The following SAMD12 variants were observed in gnomAD, a reference collection of about 807,000 sequenced individuals.
SAMD12 encodes sterile alpha motif domain-containing protein 12.
SAMD12 carries 9 observed loss-of-function variants against 15.0 expected under a neutral mutation model. That is an observed-to-expected ratio of 0.60 (90% CI 0.36 to 1.05). The LOEUF (loss-of-function observed/expected upper bound fraction) is 1.05. Ranked by LOEUF, SAMD12 falls within the 50% of genes least tolerant of loss-of-function variation. SAMD12 has a pLI of 0.01. For missense variants in SAMD12, 230 were observed against 234.2 expected (o/e 0.98, Z 0.12); for synonymous variants, 86 against 90.1 (o/e 0.96, Z 0.25).
intron 3 of SAMD12, among the ~76,000 whole-genome samples, chr8:118,404,111 T>G (rs1277139569): frequency 6.6e-6 from 1 of 152,162 alleles, no homozygotes; most frequent in Non-Finnish European, 1.5e-5. Flanking sequence ...ACCTCCCAAG[T>G]AGCTGGGACT....
At chr8:118,186,608 A>C (rs898106595), downstream of SAMD12, among the ~76,000 whole-genome samples, 2 of 151,918 alleles carry the variant, frequency 1.3e-5, no homozygotes, top group Non-Finnish European at 2.9e-5. Flanking sequence ...AGAATTACTA[A>C]GAAAAATTGA....
chr8:118,260,280 T>TA (rs1813047536), intron 4 of SAMD12, among the ~76,000 whole-genome samples: 1 of 152,120 alleles, frequency 6.6e-6, no homozygotes, highest in African/African-American at 2.4e-5. Context: ...TCCCTTATGA[T>TA]ATTCTTCCTC....
chr8:118,578,876 T>C (rs1471375115), intron 2 of SAMD12, among the ~76,000 whole-genome samples: 1 of 152,188 alleles, frequency 6.6e-6, no homozygotes, highest in African/African-American at 2.4e-5. Flanking sequence ...CAACCTCATT[T>C]GTTGGGGATG....
chr8:118,269,393 C>A (rs1161474304), intron 4 of SAMD12, among the ~76,000 whole-genome samples: 2 of 152,046 alleles, frequency 1.3e-5, no homozygotes, highest in Non-Finnish European at 2.9e-5. Context: ...ATTTATAAGA[C>A]AATAACCAAC....
intron 3 of SAMD12, among the ~76,000 whole-genome samples, chr8:118,415,071 G>C (rs932239615): frequency 6.6e-6 from 1 of 152,150 alleles, no homozygotes; most frequent in Admixed American, 6.5e-5. Flanking sequence ...GGGTGGATAA[G>C]GGATACCCAC....
At chr8:118,365,546 G>T (rs548545479) in intron 4 of SAMD12, among the ~76,000 whole-genome samples, 1 of 152,156 alleles carries the variant, frequency 6.6e-6, no homozygotes, top group African/African-American at 2.4e-5. Context: ...TGGGCTTACA[G>T]ACTCTGGGAC....
intron 1 of SAMD12, among the ~76,000 whole-genome samples, chr8:118,593,179 A>T: frequency 6.6e-6 from 1 of 152,208 alleles, no homozygotes; most frequent in Non-Finnish European, 1.5e-5. Flanking sequence ...CAAAAATCAC[A>T]TTCTCTAAAA....
At chr8:118,436,371 A>G (rs1021435693) in intron 3 of SAMD12, among the ~76,000 whole-genome samples, 10 of 152,178 alleles carry the variant, frequency 6.6e-5, no homozygotes, top group African/African-American at 2.2e-4. Context: ...TTATGTTTTT[A>G]TTACATGTCA....
At chr8:118,316,157 G>A (rs73321989) in intron 4 of SAMD12, among the ~76,000 whole-genome samples, 4,171 of 152,094 alleles carry the variant, frequency 0.027, 174 homozygotes, top group African/African-American at 0.093. Flanking sequence ...GAAGGTAGAC[G>A]ACTACCAGAC....
At chr8:118,586,953 C>T (rs1827465562) in intron 1 of SAMD12, among the ~76,000 whole-genome samples, 1 of 152,164 alleles carries the variant, frequency 6.6e-6, no homozygotes, top group Non-Finnish European at 1.5e-5. Flanking sequence ...GTGTAATTCA[C>T]CAAAAATGTT....
intron 2 of SAMD12, among the ~76,000 whole-genome samples, chr8:118,572,255 T>C (rs1220279255): frequency 3.9e-5 from 6 of 152,176 alleles, no homozygotes; most frequent in Non-Finnish European, 8.8e-5. Context: ...TGTCCCCCTG[T>C]AGGAAGTAAC....
chr8:118,383,214 C>G (rs1819764477), intron 3 of SAMD12, among the ~76,000 whole-genome samples: 1 of 152,162 alleles, frequency 6.6e-6, no homozygotes, highest in Non-Finnish European at 1.5e-5. Context: ...TTTTGACACT[C>G]CCCCTGGGTA....
chr8:118,479,774 C>CT (rs66477123), intron 2 of SAMD12, among the ~76,000 whole-genome samples: 52 of 149,316 alleles, frequency 3.5e-4, no homozygotes, highest in East Asian at 2.0e-3. Flanking sequence ...CCATGATACT[C>CT]TTTTTTTTTT....
intron 2 of SAMD12, among the ~76,000 whole-genome samples, chr8:118,550,416 T>A (rs1411442085): frequency 1.3e-5 from 2 of 152,112 alleles, no homozygotes; most frequent in Non-Finnish European, 2.9e-5. Context: ...GAATTTCATA[T>A]CCAGCCAAAT....
chr8:118,161,267 C>T, the SAMD12 span, among the ~76,000 whole-genome samples: 12 of 152,054 alleles, frequency 7.9e-5, no homozygotes, highest in South Asian at 2.1e-4. Context: ...AAGAAGAAAG[C>T]GAACTTTATC....
chr8:118,501,845 T>C (rs1224958474), intron 2 of SAMD12, among the ~76,000 whole-genome samples: 1 of 151,962 alleles, frequency 6.6e-6, no homozygotes, highest in East Asian at 1.9e-4. Context: ...TGAAACCCTG[T>C]CTCTACTAAA....
intron 2 of SAMD12, among the ~76,000 whole-genome samples, chr8:118,556,492 A>T (rs770164617): frequency 1.3e-5 from 2 of 152,240 alleles, no homozygotes; most frequent in Non-Finnish European, 2.9e-5. Context: ...GACATGTTAC[A>T]TAAGTCCTTT....
chr8:118,553,324 C>T (rs1176617379), intron 2 of SAMD12, among the ~76,000 whole-genome samples: 8 of 152,048 alleles, frequency 5.3e-5, no homozygotes, highest in African/African-American at 2.4e-5. Context: ...GTACTGGTAC[C>T]GAAACAGAGA....
chr8:118,180,191 G>C, the SAMD12 span, among the ~76,000 whole-genome samples: 1 of 152,276 alleles, frequency 6.6e-6, no homozygotes, highest in African/African-American at 2.4e-5. Flanking sequence ...TTTTCTCCTA[G>C]GATCAGCTGG....
Sources: gnomAD v4.1 joint callset for allele counts (sites outside exome capture counted in the v4.1 genomes callset) on GRCh38, gnomAD v4.1.1 for gene constraint, MANE v1.5 for transcripts, NCBI Gene and HGNC (gene_info 2026-07-23, HGNC 2026-07-21) for gene names.